PTPRD: variants seen among roughly 807,000 people sequenced by gnomAD.
The protein encoded by PTPRD is receptor-type tyrosine-protein phosphatase delta.
PTPRD carries 34 observed loss-of-function variants against 214.5 expected under a neutral mutation model. The ratio of observed to expected loss-of-function variants is 0.16; its 90% confidence interval spans 0.12 to 0.21. PTPRD has a LOEUF of 0.21. Ranked by LOEUF, PTPRD falls within the 10% of genes least tolerant of loss-of-function variation. The pLI is 1.00. For missense variants in PTPRD, 2,545 were observed against 2,398.7 expected (o/e 1.06, Z -1.27); for synonymous variants, 1,128 against 845.7 (o/e 1.33, Z -5.79).
chr9:10,476,863 T>C (rs998400154), intron 2 of PTPRD, among the ~76,000 whole-genome samples: 8 of 151,866 alleles, frequency 5.3e-5, no homozygotes, highest in African/African-American at 1.7e-4. Flanking sequence ...ATCTTCGACA[T>C]ACCTGACAAC....
At chr9:8,735,843 CAG>C (rs1393050679) in intron 11 of PTPRD, among the ~76,000 whole-genome samples, 2 of 142,880 alleles carry the variant, frequency 1.4e-5, no homozygotes, top group African/African-American at 5.3e-5. Flanking sequence ...ACCCAGGAGA[CAG>C]AGGTTTTGGT....
intron 2 of PTPRD, among the ~76,000 whole-genome samples, chr9:10,347,856 G>C (rs1347270942): frequency 6.6e-6 from 1 of 152,024 alleles, no homozygotes; most frequent in African/African-American, 2.4e-5. Context: ...TCAGGAGTTT[G>C]AGACCAGCCT....
chr9:9,045,472 T>C (rs1011087509), intron 10 of PTPRD, among the ~76,000 whole-genome samples: 13 of 152,196 alleles, frequency 8.5e-5, no homozygotes, highest in African/African-American at 2.9e-4. Flanking sequence ...TAAAAGCTAT[T>C]GAAGAGTAAG....
At chr9:8,354,721 G>T (rs1396790097) in intron 39 of PTPRD, among the ~76,000 whole-genome samples, 1 of 152,158 alleles carries the variant, frequency 6.6e-6, no homozygotes, top group Non-Finnish European at 1.5e-5. Flanking sequence ...TAAGACTTGG[G>T]TCCACGTCTC....
At chr9:8,490,134 A>C (rs151083568) in intron 27 of PTPRD, among the ~76,000 whole-genome samples, 283 of 152,242 alleles carry the variant, frequency 1.9e-3, no homozygotes, top group Non-Finnish European at 2.7e-3. Context: ...AAGGGTCTTA[A>C]ATAATTACTC....
chr9:8,867,954 AG>A (rs2098227762), intron 11 of PTPRD, among the ~76,000 whole-genome samples: 1 of 152,156 alleles, frequency 6.6e-6, no homozygotes, highest in African/African-American at 2.4e-5. Flanking sequence ...AAAACTTTAT[AG>A]GGCACAAGCA....
intron 5 of PTPRD, among the ~76,000 whole-genome samples, chr9:9,910,291 C>T (rs566207756): frequency 3.3e-5 from 5 of 152,074 alleles, no homozygotes; most frequent in South Asian, 4.1e-4. Flanking sequence ...AGTTTATGAA[C>T]ATTTTTGCTG....
chr9:9,258,219 A>G (rs1243271620), intron 9 of PTPRD, among the ~76,000 whole-genome samples: 1 of 151,936 alleles, frequency 6.6e-6, no homozygotes, highest in Admixed American at 6.6e-5. Context: ...CCAATACTAT[A>G]CAAAGCTGAA....
intron 11 of PTPRD, among the ~76,000 whole-genome samples, chr9:8,825,053 G>C (rs2097148382): frequency 6.6e-6 from 1 of 152,138 alleles, no homozygotes; most frequent in African/African-American, 2.4e-5. Context: ...AGGAATTTTA[G>C]ATAAGACTTT....
chr9:9,024,338 G>GTTTTTTTTTTT (rs746383829), intron 10 of PTPRD, among the ~76,000 whole-genome samples: 23 of 61,326 alleles, frequency 3.8e-4, no homozygotes, highest in Non-Finnish European at 5.8e-4. Flanking sequence ...TCGATTCTTT[G>GTTTTTTTTTTT]TTTTTTTTTG....
chr9:8,341,565 T>C (rs1344713714), intron 40 of PTPRD, 128 bp downstream of exon 40: 25 of 1,117,136 alleles, frequency 2.2e-5, no homozygotes, highest in East Asian at 1.2e-4. Context: ...TTTATAATCA[T>C]ACACCTGAGG....
At chr9:8,924,033 C>T (rs1282980064) in intron 11 of PTPRD, among the ~76,000 whole-genome samples, 1 of 152,136 alleles carries the variant, frequency 6.6e-6, no homozygotes, top group African/African-American at 2.4e-5. Context: ...AGAAGGCAGT[C>T]ATTTTCTAAA....
chr9:8,738,465 G>T (rs552419938), intron 11 of PTPRD, among the ~76,000 whole-genome samples: 100 of 152,032 alleles, frequency 6.6e-4, no homozygotes, highest in African/African-American at 2.2e-3. Flanking sequence ...GAAAATGGCA[G>T]ATTATAGGCT....
intron 8 of PTPRD, among the ~76,000 whole-genome samples, chr9:9,539,444 A>T (rs1314324810): frequency 6.6e-6 from 1 of 151,854 alleles, no homozygotes. Context: ...TGGACCTTAC[A>T]TTTCTCATAA....
chr9:8,340,374 A>G lies in PTPRD; in HGVS notation c.5222T>C (p.Val1741Ala), dbSNP rs772821345. The G allele has an allele frequency of 1.2e-6, 2 of 1,610,162 alleles. No homozygotes were observed. Among genetic ancestry groups the G allele is most frequent in the Non-Finnish European group, 8.5e-7 (1 of 1,177,218 alleles). Reference protein sequence around the residue: ...MLWEHNSTIVVMLTKLREMGR... With the variant: ...MLWEHNSTIVAMLTKLREMGR... ...CATTTCACGCAGCTTGGTGAGCATC[A>G]CAACTATGGTGGAATTGTGTTCCCA... Residue 1741 changes from valine (V) to alanine (A), a missense_variant, in exon 42 of 46, where the codon GTG (valine) becomes GCG (alanine). Transcript: ENST00000381196.
At chr9:8,966,083 G>A (rs1298262517) in intron 11 of PTPRD, among the ~76,000 whole-genome samples, 1 of 152,004 alleles carries the variant, frequency 6.6e-6, no homozygotes, top group Non-Finnish European at 1.5e-5. Context: ...TAACCAAGGA[G>A]GTGAAATTGA....
chr9:8,439,616 A>C (rs932904409), intron 34 of PTPRD, among the ~76,000 whole-genome samples: 2 of 152,242 alleles, frequency 1.3e-5, no homozygotes, highest in African/African-American at 4.8e-5. Flanking sequence ...GCATAAAAAT[A>C]ATCATCAAGA....
intron 11 of PTPRD, among the ~76,000 whole-genome samples, chr9:8,818,747 T>C (rs1294857531): frequency 6.6e-6 from 1 of 152,268 alleles, no homozygotes; most frequent in East Asian, 1.9e-4. Flanking sequence ...TACTAATTAA[T>C]ATTTATTGCA....
chr9:9,051,754 C>A (rs997895796), intron 10 of PTPRD, among the ~76,000 whole-genome samples: 2 of 152,140 alleles, frequency 1.3e-5, no homozygotes, highest in Non-Finnish European at 2.9e-5. Context: ...AAGGCAAAGG[C>A]TTTAGGTTTT....
Sources: allele counts gnomAD v4.1 joint callset (sites outside exome capture counted in the v4.1 genomes callset), GRCh38; gene constraint gnomAD v4.1.1; transcripts MANE v1.5; gene names NCBI Gene and HGNC (gene_info 2026-07-23, HGNC 2026-07-21).